The following OPCML variants were observed in gnomAD, a reference collection of about 807,000 sequenced individuals.
The protein encoded by OPCML is opioid binding protein/cell adhesion molecule like, also known as opioid-binding protein/cell adhesion molecule.
A neutral mutation model predicts 37.8 loss-of-function variants in OPCML; 13 were observed. That is an observed-to-expected ratio of 0.34 (90% confidence interval 0.22 to 0.55). OPCML has a LOEUF of 0.55. Among genes scored for constraint, OPCML ranks in the 20% least tolerant of loss-of-function variants. The probability of loss-of-function intolerance (pLI) is 0.91; values close to 1 mark genes in which losing one functional copy is unlikely to be tolerated. For synonymous variants in OPCML, 176 were observed against 168.8 expected (o/e 1.04, Z -0.33); for missense variants, 341 against 435.6 (o/e 0.78, Z 1.93).
intron 1 of OPCML, among the ~76,000 whole-genome samples, chr11:133,038,844 G>C (rs968711387): frequency 1.4e-5 from 2 of 147,208 alleles, no homozygotes; most frequent in Non-Finnish European, 3.0e-5. Context: ...AAAAAACCCT[G>C]CTGCCATTTT....
chr11:133,236,359 A>C (rs767193666), intron 1 of OPCML, among the ~76,000 whole-genome samples: 10 of 152,186 alleles, frequency 6.6e-5, no homozygotes, highest in Non-Finnish European at 1.2e-4. Context: ...CAAAATTTTA[A>C]ACTTATAAAT....
At chr11:132,655,133 T>C (rs1226042345) in intron 3 of OPCML, among the ~76,000 whole-genome samples, 1 of 152,240 alleles carries the variant, frequency 6.6e-6, no homozygotes, top group Admixed American at 6.5e-5. Flanking sequence ...ATCATCTATC[T>C]TCGTTCTTGA....
intron 2 of OPCML, among the ~76,000 whole-genome samples, chr11:132,693,412 G>A (rs1943481117): frequency 6.6e-6 from 1 of 152,026 alleles, no homozygotes. Context: ...ATTCCACTGG[G>A]GCCCTAAGTG....
intron 1 of OPCML, among the ~76,000 whole-genome samples, chr11:133,193,984 A>G (rs1938427507): frequency 6.6e-6 from 1 of 152,244 alleles, no homozygotes; most frequent in Admixed American, 6.5e-5. Flanking sequence ...AGTTTTCAAA[A>G]GCATGATACT....
intron 2 of OPCML, among the ~76,000 whole-genome samples, 178 bp downstream of exon 2, chr11:132,942,748 G>A (rs1330730149): frequency 6.6e-6 from 1 of 152,210 alleles, no homozygotes; most frequent in African/African-American, 2.4e-5. Flanking sequence ...CGGAGCACAG[G>A]ACAAACCTGT....
intron 7 of OPCML, among the ~76,000 whole-genome samples, chr11:132,429,165 G>A (rs1480566103): frequency 6.6e-6 from 1 of 152,080 alleles, no homozygotes; most frequent in Non-Finnish European, 1.5e-5. Context: ...TGGAGTGCTG[G>A]GGACACTTGA....
At chr11:132,465,166 C>G (rs1195011220) in intron 4 of OPCML, among the ~76,000 whole-genome samples, 1 of 152,088 alleles carries the variant, frequency 6.6e-6, no homozygotes, top group African/African-American at 2.4e-5. Context: ...TTTCCAGTTT[C>G]TCTCTATTAG....
intron 1 of OPCML, among the ~76,000 whole-genome samples, chr11:133,496,725 G>GCTA (rs1473910017): frequency 5.3e-5 from 8 of 152,196 alleles, no homozygotes; most frequent in African/African-American, 1.9e-4. Flanking sequence ...ATATAGAAGA[G>GCTA]CTACTGATTT....
intron 3 of OPCML, among the ~76,000 whole-genome samples, chr11:132,535,683 T>C (rs1442522053): frequency 2.6e-5 from 4 of 151,736 alleles, no homozygotes; most frequent in Non-Finnish European, 5.9e-5. Flanking sequence ...GTGAGAGGGG[T>C]TCAGGTCACC....
intron 2 of OPCML, among the ~76,000 whole-genome samples, chr11:132,763,178 GTACCTCAGT>G (rs1206461989): frequency 6.6e-6 from 1 of 152,132 alleles, no homozygotes; most frequent in Non-Finnish European, 1.5e-5. Context: ...GATGAACTGG[GTACCTCAGT>G]TGGAAATGCA....
intron 1 of OPCML, among the ~76,000 whole-genome samples, chr11:133,102,838 CTG>C (rs938048943): frequency 1.3e-4 from 20 of 152,110 alleles, no homozygotes; most frequent in Admixed American, 3.9e-4. Flanking sequence ...AATTGTATGT[CTG>C]TGTTGATGTG....
intron 2 of OPCML, among the ~76,000 whole-genome samples, chr11:132,877,660 A>T (rs1943069849): frequency 6.6e-6 from 1 of 152,056 alleles, no homozygotes; most frequent in South Asian, 2.1e-4. Context: ...TGGAACGGAG[A>T]TGTGGCCACT....
intron 1 of OPCML, among the ~76,000 whole-genome samples, chr11:133,359,487 T>C (rs953316034): frequency 2.6e-5 from 4 of 152,226 alleles, no homozygotes; most frequent in Non-Finnish European, 4.4e-5. Context: ...ATGTGTCAGG[T>C]ACTCCGCAGA....
At chr11:133,455,809 G>T (rs1946661776) in intron 1 of OPCML, among the ~76,000 whole-genome samples, 1 of 152,152 alleles carries the variant, frequency 6.6e-6, no homozygotes, top group East Asian at 1.9e-4. Context: ...AAGATCTGCA[G>T]CCACCAAGTG....
chr11:132,603,941 C>T (rs963221410), intron 3 of OPCML, among the ~76,000 whole-genome samples: 4 of 152,130 alleles, frequency 2.6e-5, no homozygotes, highest in East Asian at 1.9e-4. Flanking sequence ...TAATACTTTA[C>T]GGATACTTTA....
chr11:133,061,632 T>C (rs897798972), intron 1 of OPCML, among the ~76,000 whole-genome samples: 2 of 152,230 alleles, frequency 1.3e-5, no homozygotes, highest in African/African-American at 2.4e-5. Flanking sequence ...CTTACACTCA[T>C]ACATCAAAGG....
At chr11:133,336,214 T>G (rs1943740718) in intron 1 of OPCML, among the ~76,000 whole-genome samples, 1 of 152,308 alleles carries the variant, frequency 6.6e-6, no homozygotes, top group East Asian at 1.9e-4. Flanking sequence ...TACTAATCCC[T>G]TCTGTCTCAG....
intron 1 of OPCML, among the ~76,000 whole-genome samples, chr11:133,034,936 C>T (rs938073317): frequency 2.0e-5 from 3 of 152,060 alleles, no homozygotes; most frequent in African/African-American, 2.4e-5. Context: ...TCAATCCTGG[C>T]ATGATGCAAT....
At chr11:132,612,830 C>T (rs1197784764) in intron 3 of OPCML, among the ~76,000 whole-genome samples, 1 of 152,062 alleles carries the variant, frequency 6.6e-6, no homozygotes, top group Non-Finnish European at 1.5e-5. Flanking sequence ...CTCTGCAGTC[C>T]GGTCACCTAT....
Sources: allele counts gnomAD v4.1 joint callset (sites outside exome capture counted in the v4.1 genomes callset), GRCh38; gene constraint gnomAD v4.1.1; transcripts MANE v1.5; gene names NCBI Gene and HGNC (gene_info 2026-07-23, HGNC 2026-07-21).